RIMS1: variants seen among roughly 807,000 people sequenced by gnomAD.
RIMS1 encodes regulating synaptic membrane exocytosis 1, also known as regulating synaptic membrane exocytosis protein 1.
A neutral mutation model predicts 214.1 loss-of-function variants in RIMS1; 83 were observed. The observed-to-expected ratio is 0.39, with a 90% confidence interval of 0.32 to 0.47. The LOEUF is 0.47. Among genes scored for constraint, RIMS1 ranks in the 20% least tolerant of loss-of-function variants. The pLI is 0.99. For missense variants in RIMS1, 2,050 were observed against 2,161.8 expected (o/e 0.95, Z 1.03); for synonymous variants, 793 against 786.8 (o/e 1.01, Z -0.13).
intron 4 of RIMS1, among the ~76,000 whole-genome samples, chr6:72,147,486 T>A (rs2042910566): frequency 6.6e-6 from 1 of 152,172 alleles, no homozygotes; most frequent in South Asian, 2.1e-4. Flanking sequence ...GGGGGTTCCA[T>A]GAGGAAAACA....
intron 7 of RIMS1, among the ~76,000 whole-genome samples, chr6:72,234,861 T>C (rs1295249931): frequency 2.6e-5 from 4 of 152,120 alleles, no homozygotes; most frequent in Non-Finnish European, 4.4e-5. Flanking sequence ...CTTAGCAATA[T>C]GCATTTAAGG....
intron 1 of RIMS1, among the ~76,000 whole-genome samples, chr6:71,915,230 T>C (rs1778000529): frequency 6.6e-6 from 1 of 152,178 alleles, no homozygotes; most frequent in Non-Finnish European, 1.5e-5. Flanking sequence ...TGTATGTATA[T>C]GTTTTCTTTA....
At chr6:72,389,754 C>G (rs1036986213) in intron 29 of RIMS1, among the ~76,000 whole-genome samples, 1 of 152,170 alleles carries the variant, frequency 6.6e-6, no homozygotes, top group Non-Finnish European at 1.5e-5. Context: ...GTTTTCCTAA[C>G]CTATTGATAC....
In RIMS1 at chr6:71,936,402, A is replaced by G. The variant is rs191412564; in HGVS notation, c.165-32581A>G. Among the ~76,000 whole-genome samples the G allele has an allele frequency of 1.1e-4, 16 of 151,926 alleles. No homozygotes were observed. In the East Asian group the frequency reaches 2.9e-3, roughly 28 times the overall value. Reference sequence around the variant, plus strand: ...ATGGTTATAAGGGACTGATGACTGTAAAGTACGAGTAAAAGGGTTCTGCAC... The same window carrying G: ...ATGGTTATAAGGGACTGATGACTGTGAAGTACGAGTAAAAGGGTTCTGCAC... On this transcript the variant is annotated intron_variant, in intron 1 of 33. Coordinates refer to ENST00000521978, the MANE Select transcript of RIMS1 (RefSeq NM_014989.7).
chr6:71,961,234 G>A (rs1792859027), intron 1 of RIMS1, among the ~76,000 whole-genome samples: 1 of 152,120 alleles, frequency 6.6e-6, no homozygotes. Flanking sequence ...TGGCCATTAT[G>A]GTCAAATGAA....
At chr6:72,179,153 T>A (rs2048114608) in intron 4 of RIMS1, among the ~76,000 whole-genome samples, 2 of 152,212 alleles carry the variant, frequency 1.3e-5, no homozygotes, top group East Asian at 3.8e-4. Flanking sequence ...TTGCAAGTAC[T>A]GAGGTTTATG....
At chr6:71,977,887 A>G (rs1255742592) in intron 2 of RIMS1, among the ~76,000 whole-genome samples, 1 of 152,160 alleles carries the variant, frequency 6.6e-6, no homozygotes, top group Non-Finnish European at 1.5e-5. Flanking sequence ...TTATATTGAG[A>G]AACCCTTAAA....
intron 4 of RIMS1, among the ~76,000 whole-genome samples, chr6:72,161,755 G>A (rs1163084729): frequency 7.1e-6 from 1 of 141,048 alleles, no homozygotes; most frequent in African/African-American, 2.5e-5. Context: ...CTGAGAGACA[G>A]TTTGTTGTGA....
chr6:72,268,873 G>C (rs1227531374), intron 22 of RIMS1, among the ~76,000 whole-genome samples: 1 of 152,066 alleles, frequency 6.6e-6, no homozygotes, highest in Non-Finnish European at 1.5e-5. Flanking sequence ...AGGTTTATTT[G>C]TAATAAGAAA....
rs144273575 is a variant in RIMS1, at chr6:72,100,083, C to A, written c.471+97C>A. Reference sequence around the variant, plus strand: ...CCTAGTATTGTTAATAACTATATTTCACAAGAAATTATATACTAGGAAGAG... The same window carrying A: ...CCTAGTATTGTTAATAACTATATTTAACAAGAAATTATATACTAGGAAGAG... On this transcript the variant is annotated intron_variant, in intron 4 of 33. Transcript: ENST00000521978. 0.02 allele frequency: 19,842 copies of A among 969,902 alleles called. 255 individuals are homozygous for A. The highest frequency in any genetic ancestry group is 0.023 in the Non-Finnish European group (14,471 of 624,038). The allele number at this position is 969,902 out of a possible 1,614,324, so 60.1% of individuals were successfully genotyped here. A position where few individuals can be genotyped will look rare whatever the true frequency, so the allele number is the denominator to read the frequency against.
At chr6:72,297,665 A>G (rs549169842) in intron 26 of RIMS1, among the ~76,000 whole-genome samples, 11 of 152,082 alleles carry the variant, frequency 7.2e-5, no homozygotes, top group African/African-American at 2.4e-4. Flanking sequence ...AATAGACCAC[A>G]TTTTTAGAAA....
intron 4 of RIMS1, among the ~76,000 whole-genome samples, chr6:72,139,261 T>G (rs1033242106): frequency 3.9e-5 from 6 of 152,172 alleles, no homozygotes; most frequent in African/African-American, 1.2e-4. Context: ...TCCTCTCATA[T>G]AATCCCCTTC....
rs917123594 is a variant in RIMS1, at chr6:72,137,972, G to A, written c.471+37986G>A. ...AGGATGGTCTCGATCTCCTGACCTC[G>A]TGATCCACCCGCCTTGGCCTCCCCA... On this transcript the variant is annotated intron_variant, in intron 4 of 33. Coordinates refer to ENST00000521978, the MANE Select transcript of RIMS1 (RefSeq NM_014989.7). Among the ~76,000 whole-genome samples the A allele has an allele frequency of 8.6e-5, 13 of 151,918 alleles. No individual in the cohort carries two copies. In the South Asian group the frequency reaches 2.1e-3, roughly 24 times the overall value.
intron 1 of RIMS1, among the ~76,000 whole-genome samples, chr6:71,902,451 AAG>A (rs1773941411): frequency 1.3e-5 from 2 of 152,130 alleles, no homozygotes; most frequent in South Asian, 4.1e-4. Context: ...ACACAAAAAG[AAG>A]AGTCTTTGAT....
At chr6:72,242,198 C>A in intron 9 of RIMS1, 116 bp from the exon 10 acceptor site, 2 of 792,562 alleles carry the variant, frequency 2.5e-6, no homozygotes, top group East Asian at 2.8e-5. Flanking sequence ...GAAAGCAGAG[C>A]CTAGACAATT....
intron 2 of RIMS1, among the ~76,000 whole-genome samples, chr6:71,978,479 G>A (rs1797706871): frequency 6.6e-6 from 1 of 151,940 alleles, no homozygotes; most frequent in Admixed American, 6.6e-5. Context: ...TTTTCTAGGT[G>A]TTTGGATACC....
intron 28 of RIMS1, among the ~76,000 whole-genome samples, chr6:72,318,427 A>G (rs2095941866): frequency 6.6e-6 from 1 of 151,942 alleles, no homozygotes; most frequent in South Asian, 2.1e-4. Context: ...ATTAATAATT[A>G]CCTCTACTTT....
At chr6:72,342,899 G>A (rs2097143666) in intron 29 of RIMS1, among the ~76,000 whole-genome samples, 1 of 151,698 alleles carries the variant, frequency 6.6e-6, no homozygotes, top group African/African-American at 2.4e-5. Flanking sequence ...TTGCAATGGG[G>A]ATATTGAAAG....
chr6:72,346,242 A>T (rs767781911), intron 29 of RIMS1, among the ~76,000 whole-genome samples: 6 of 151,822 alleles, frequency 4.0e-5, no homozygotes, highest in Non-Finnish European at 7.4e-5. Flanking sequence ...GGGTAAGTAG[A>T]TAAAGAAAAG....
Sources: allele counts gnomAD v4.1 joint callset (sites outside exome capture counted in the v4.1 genomes callset), GRCh38; gene constraint gnomAD v4.1.1; transcripts MANE v1.5; gene names NCBI Gene and HGNC (gene_info 2026-07-23, HGNC 2026-07-21).